The following PCNT variants were observed in gnomAD, a reference collection of about 807,000 sequenced individuals.
PCNT encodes the protein kendrin.
Under a neutral mutation model 380.4 loss-of-function variants are expected in PCNT, and 319 were observed. The ratio of observed to expected loss-of-function variants is 0.84; its 90% CI spans 0.77 to 0.92. The LOEUF is 0.92. Ranked by LOEUF, PCNT falls within the 40% of genes least tolerant of loss-of-function variation. The probability of loss-of-function intolerance (pLI) is 0.00; values close to 1 mark genes in which losing one functional copy is unlikely to be tolerated. For synonymous variants in PCNT, 1,845 were observed against 1,735.2 expected, an observed-to-expected ratio of 1.06 and a Z score of -1.57; for missense variants, 4,400 against 4,255.3, an observed-to-expected ratio of 1.03 and a Z score of -0.95.
chr21:46,351,815 G>A (rs2084284258), intron 9 of PCNT, among the ~76,000 whole-genome samples: 1 of 152,224 alleles, frequency 6.6e-6, no homozygotes, highest in South Asian at 2.1e-4. Context: ...GTGCCTTCAT[G>A]TCTAAGGAAA....
intron 27 of PCNT, 63 bp from the exon 28 acceptor site, chr21:46,411,126 T>G: frequency 6.6e-7 from 1 of 1,517,732 alleles, no homozygotes; most frequent in Middle Eastern, 1.7e-4. Flanking sequence ...TAACGTGCCC[T>G]GAAGTAGGGA....
chr21:46,348,990 A>T, intron 6 of PCNT, 22 bp from the exon 7 acceptor site: 4 of 1,444,110 alleles, frequency 2.8e-6, no homozygotes, highest in Non-Finnish European at 3.9e-6. Context: ...ATTGAGTTTA[A>T]TTTTTTTTTC....
Position 46,324,274 on chromosome 21 carries a change from A to T in PCNT, c.46A>T (p.Arg16Trp). The T allele has an allele frequency of 1.2e-6, 2 of 1,611,156 alleles. No individual in the cohort carries two copies. Among genetic ancestry groups the T allele is most frequent in the Admixed American group, 1.7e-5 (1 of 59,726 alleles). ...GCGGCGCAGAAAGGTGGAGGCCGGG[A>T]GGACGAAGGTAAACATTAGGGGCTT... is the stretch of plus-strand genomic sequence containing the variant. Reference protein sequence around the residue: ...EQRRRKVEAGRTKLAHFRQRK... With the variant: ...EQRRRKVEAGWTKLAHFRQRK... Residue 16 changes from arginine to tryptophan, a missense_variant, in exon 1 of 47, where the codon AGG becomes TGG. Coordinates refer to ENST00000359568, the MANE Select transcript of PCNT (RefSeq NM_006031.6).
chr21:46,386,333 C>T (rs1251114551), intron 17 of PCNT, among the ~76,000 whole-genome samples: 1 of 152,260 alleles, frequency 6.6e-6, no homozygotes, highest in Non-Finnish European at 1.5e-5. Context: ...TCGTCCCCGG[C>T]ACGGGGTGCA....
chr21:46,442,591 G>T lies in PCNT; in HGVS notation c.9700+18G>T. ...TCGCCCAGGTGGGACTCCAGCTGCT[G>T]TTGACCGCTGGACTCACAAACCTTT... On this transcript the variant is annotated intron_variant, in intron 44 of 46. Coordinates refer to ENST00000359568, the MANE Select transcript of PCNT (RefSeq NM_006031.6). 6.7e-7 allele frequency: 1 copy of T among 1,489,656 alleles called. No homozygotes were observed. The highest frequency in any genetic ancestry group is 9.4e-7 in the Non-Finnish European group (1 of 1,066,496). 92.3% of individuals were successfully genotyped at this position (1,489,656 alleles called of 1,614,324 possible). A position where few individuals can be genotyped will look rare whatever the true frequency, so the allele number is the denominator to read the frequency against.
rs751880480 is a variant in PCNT, at chr21:46,326,623, G to A, written c.267+34G>A. Reference sequence around the variant, plus strand: ...GCTCAATGTTGTATTTGAACATTTCGCTTATCTTCTAGTGATTTCTAGTGT... The same window carrying A: ...GCTCAATGTTGTATTTGAACATTTCACTTATCTTCTAGTGATTTCTAGTGT... On this transcript the variant is annotated intron_variant, in intron 2 of 46. Transcript: ENST00000359568. The A allele has an allele frequency of 6.9e-6, 11 of 1,587,608 alleles. No individual in the cohort carries two copies. The South Asian group carries it at 9.9e-5, about 14-fold the overall frequency.
chr21:46,370,011 G>A (rs114597089), intron 15 of PCNT, among the ~76,000 whole-genome samples: 5,317 of 152,344 alleles, frequency 0.035, 133 homozygotes, highest in Middle Eastern at 0.082. Flanking sequence ...GGGAGGGGCT[G>A]TGCAGGTGAG....
chr21:46,330,415 G>C (rs914219868), intron 2 of PCNT, among the ~76,000 whole-genome samples: 5 of 152,018 alleles, frequency 3.3e-5, no homozygotes, highest in African/African-American at 1.2e-4. Context: ...CATCCCACCT[G>C]GCTAAAATTT....
rs535126676 is a variant in PCNT at position 46,415,184 on chromosome 21, A to G, written c.6151-885A>G. Among the ~76,000 whole-genome samples, 12 of 152,248 alleles carry G rather than the reference A, an allele frequency of 7.9e-5. No homozygotes were observed. In the South Asian group the frequency reaches 2.5e-3, roughly 32 times the overall value. ...ACCTCATTGGCGTTTAGAGCCTGAA[A>G]GATTCTTAATTCCACAGAAATCAGG... On this transcript the variant is annotated intron_variant, in intron 29 of 46. Transcript: ENST00000359568.
chr21:46,381,013 G>A (rs1028776996), intron 15 of PCNT, among the ~76,000 whole-genome samples: 1 of 151,812 alleles, frequency 6.6e-6, no homozygotes, highest in Non-Finnish European at 1.5e-5. Context: ...TCTACTAAAA[G>A]AAAAATTACA....
At chr21:46,342,961 C>T (rs966533895) in intron 3 of PCNT, among the ~76,000 whole-genome samples, 7 of 152,102 alleles carry the variant, frequency 4.6e-5, no homozygotes, top group African/African-American at 1.7e-4. Context: ...TCATTTGGTT[C>T]TCAGCTTGGT....
At chr21:46,424,763 C>T (rs1000096465) in intron 32 of PCNT, among the ~76,000 whole-genome samples, 10 of 148,912 alleles carry the variant, frequency 6.7e-5, no homozygotes, top group African/African-American at 1.0e-4. Context: ...CCCCCGTCTC[C>T]GCTCCTCCCC....
In PCNT at chr21:46,425,922, G is replaced by A. The variant is rs371893416; in HGVS notation, c.7271G>A (p.Arg2424Gln). 34 of 1,613,938 alleles carry A rather than the reference G, an allele frequency of 2.1e-5. No individual in the cohort carries two copies. The highest frequency in any genetic ancestry group is 6.7e-5 in the East Asian group (3 of 44,882). Residue 2424 changes from arginine (R) to glutamine (Q), a missense_variant, in exon 33 of 47, where the codon CGG becomes CAG. Transcript: ENST00000359568. The surrounding 1 kb of genome is among the most constrained non-coding windows in gnomAD (Gnocchi z 4.2). ...CCAAGCGGCGAGCCACACCCACCCC[G>A]GAAGGAAGACGAGATACAGGACATC... ...APPSGEPHPP[R>Q]KEDEIQDISL...
rs140398533 is a variant in PCNT at position 46,412,027 on chromosome 21, C to T, written c.5954C>T (p.Ser1985Phe). The change falls in exon 28 of 47, where the codon TCC (serine) becomes TTC (phenylalanine). Residue 1985 changes from serine (S) to phenylalanine (F), a missense_variant. Physicochemically the swap from Ser to Phe is radical, Grantham distance 155 (BLOSUM62 -2). Coordinates refer to ENST00000359568, the MANE Select transcript of PCNT (RefSeq NM_006031.6). ...KAQVTGDVEA[S>F]HDAALEPVVP... ...CAGGTCACCGGCGACGTGGAGGCCT[C>T]CCATGATGCTGCTTTGGAGCCGGTT... is the stretch of plus-strand genomic sequence containing the variant. 1,622 of 1,608,432 alleles carry T rather than the reference C, an allele frequency of 1.0e-3. 10 individuals carry two copies. The African/African-American group carries it at 0.019, about 19-fold the overall frequency.
intron 27 of PCNT, among the ~76,000 whole-genome samples, chr21:46,404,379 T>C (rs147282060): frequency 7.0e-6 from 1 of 142,678 alleles, no homozygotes; most frequent in African/African-American, 2.5e-5. Flanking sequence ...TGTTTTGATA[T>C]GGTTGTTGTT....
intron 15 of PCNT, among the ~76,000 whole-genome samples, chr21:46,379,386 G>A (rs1414504758): frequency 1.3e-5 from 2 of 152,240 alleles, no homozygotes; most frequent in Non-Finnish European, 2.9e-5. Context: ...CTGGCCTCAA[G>A]CTTTGTCCTG....
In PCNT at chr21:46,354,004, T is replaced by C; in HGVS notation, c.1697T>C (p.Leu566Ser). Residue 566 changes from leucine to serine, a missense_variant, in exon 11 of 47, where the codon TTA (leucine) becomes TCA (serine). Coordinates refer to ENST00000359568, the MANE Select transcript of PCNT (RefSeq NM_006031.6). ...SVEVGLSCVG[L>S]EEKPEKGRKD... Reference sequence around the variant, plus strand: ...CCCTTCAGGTTGTCCTGTGTGGGTTTAGAAGAGAAACCTGAGAAAGGAAGA... The same window carrying C: ...CCCTTCAGGTTGTCCTGTGTGGGTTCAGAAGAGAAACCTGAGAAAGGAAGA... 6.2e-7 allele frequency: 1 copy of C among 1,614,028 alleles called. No homozygotes were observed.
At position 46,388,662 on chromosome 21, in the gene PCNT, G is replaced by C; in HGVS notation, c.3465-80G>C. The C allele has an allele frequency of 6.4e-7, 1 of 1,570,532 alleles. No individual in the cohort carries two copies. The highest frequency in any genetic ancestry group is 2.2e-5 in the East Asian group (1 of 44,674). The stretch of plus-strand genomic sequence containing the variant: ...GTGGGCCGAGGTGTGCAAACTGGTG[G>C]GCGGCCCCTCAGCAGCATCCAGGGT... On this transcript the variant is annotated intron_variant, in intron 17 of 46. Coordinates refer to ENST00000359568, the MANE Select transcript of PCNT (RefSeq NM_006031.6). The surrounding 1 kb of genome is among the most constrained non-coding windows in gnomAD (Gnocchi z 4.2).
At position 46,411,892 on chromosome 21, in the gene PCNT, T is replaced by G. The variant is rs1460538855; in HGVS notation, c.5819T>G (p.Phe1940Cys). The G allele has an allele frequency of 1.3e-6, 2 of 1,578,726 alleles. No individual in the cohort carries two copies. Among genetic ancestry groups the G allele is most frequent in the Middle Eastern group, 2.0e-4 (1 of 5,042 alleles). ...SRQLQVLHQR[F>C]LRCQVELDRR... ...CAGCTGCAGGTGCTGCACCAGCGGT[T>G]CCTGAGGTGCCAGGTGGAGCTGGAC... is the stretch of plus-strand genomic sequence containing the variant. The change falls in exon 28 of 47, where the codon TTC becomes TGC. Residue 1940 changes from phenylalanine (F) to cysteine (C), a missense_variant. Transcript: ENST00000359568.
Sources: allele counts gnomAD v4.1 joint callset (sites outside exome capture counted in the v4.1 genomes callset), GRCh38; gene constraint gnomAD v4.1.1; non-coding constraint Gnocchi (gnomAD v3.1); transcripts MANE v1.5; gene names NCBI Gene and HGNC (gene_info 2026-07-23, HGNC 2026-07-21).